The following VWC2L variants were observed in gnomAD, a reference collection of about 807,000 sequenced individuals.
The protein encoded by VWC2L is von Willebrand factor C domain containing 2 like.
A neutral mutation model predicts 21.6 loss-of-function variants in VWC2L; 10 were observed. That is an observed-to-expected ratio of 0.46 (90% CI 0.29 to 0.78). VWC2L has a LOEUF of 0.78. Among genes scored for constraint, VWC2L ranks in the 30% least tolerant of loss-of-function variants. The pLI, the probability that VWC2L is intolerant of heterozygous loss-of-function variation, is 0.10. For synonymous variants in VWC2L, 96 were observed against 94.3 expected, an observed-to-expected ratio of 1.02 and a Z score of -0.10; for missense variants, 209 against 277.1, an observed-to-expected ratio of 0.75 and a Z score of 1.74.
intron 3 of VWC2L, among the ~76,000 whole-genome samples, chr2:214,526,111 T>C (rs750631533): frequency 3.8e-4 from 57 of 150,782 alleles, no homozygotes; most frequent in African/African-American, 7.7e-4. Context: ...TCATCTATTA[T>C]ATATAATCAC....
chr2:214,436,583 CATTAAGTT>C, intron 2 of VWC2L, 38 bp from the exon 3 acceptor site: 1 of 1,604,404 alleles, frequency 6.2e-7, no homozygotes, highest in Middle Eastern at 1.7e-4. Context: ...AATGTGCAAG[CATTAAGTT>C]ATAGGAGAAA....
At chr2:214,436,897 T>C in intron 3 of VWC2L, 139 bp downstream of exon 3, 2 of 1,014,794 alleles carry the variant, frequency 2.0e-6, no homozygotes, top group Non-Finnish European at 1.4e-6. Context: ...TGTATATTTT[T>C]ATCCCATCTT....
intron 2 of VWC2L, among the ~76,000 whole-genome samples, chr2:214,432,407 G>C (rs1702613717): frequency 6.6e-6 from 1 of 152,104 alleles, no homozygotes; most frequent in Non-Finnish European, 1.5e-5. Flanking sequence ...GAAGATGAAG[G>C]GGCTGGAAGG....
chr2:214,529,635 C>T (rs1239050052), intron 3 of VWC2L, among the ~76,000 whole-genome samples: 1 of 152,120 alleles, frequency 6.6e-6, no homozygotes, highest in African/African-American at 2.4e-5. Context: ...ATTCCCAGGT[C>T]CAGGTTTTGT....
chr2:214,517,113 T>A (rs577054735), intron 3 of VWC2L, among the ~76,000 whole-genome samples: 3 of 152,348 alleles, frequency 2.0e-5, no homozygotes, highest in Non-Finnish European at 4.4e-5. Context: ...ATCAGTGACC[T>A]CCATGTTTCT....
At chr2:214,560,708 G>C (rs1005127978) in intron 3 of VWC2L, among the ~76,000 whole-genome samples, 11 of 152,074 alleles carry the variant, frequency 7.2e-5, no homozygotes, top group African/African-American at 2.7e-4. Context: ...GTGATAACTG[G>C]CTTGTTTTTC....
chr2:214,442,617 G>T (rs545482247), intron 3 of VWC2L, among the ~76,000 whole-genome samples: 5 of 151,678 alleles, frequency 3.3e-5, no homozygotes, highest in Admixed American at 1.3e-4. Context: ...TATTTCACAG[G>T]ACTCTTTATT....
chr2:214,508,180 G>C (rs1049439900), intron 3 of VWC2L, among the ~76,000 whole-genome samples: 6 of 152,040 alleles, frequency 3.9e-5, no homozygotes, highest in African/African-American at 1.4e-4. Flanking sequence ...GTTTTACCGT[G>C]TTAGCCAGGA....
intron 2 of VWC2L, among the ~76,000 whole-genome samples, chr2:214,422,724 T>C (rs1375858086): frequency 1.3e-5 from 2 of 152,234 alleles, no homozygotes; most frequent in African/African-American, 2.4e-5. Context: ...TAGCCTGCTG[T>C]AGAGTATATC....
chr2:214,572,999 T>A (rs189617599), intron 3 of VWC2L, among the ~76,000 whole-genome samples: 36 of 152,276 alleles, frequency 2.4e-4, no homozygotes, highest in African/African-American at 7.7e-4. Flanking sequence ...AAATTCTAAA[T>A]GACTCTTAAG....
chr2:214,487,195 A>G (rs1429277415), intron 3 of VWC2L, among the ~76,000 whole-genome samples: 1 of 151,840 alleles, frequency 6.6e-6, no homozygotes, highest in Admixed American at 6.5e-5. Context: ...TTGTTAGAAA[A>G]TAAGTTTCTG....
At chr2:214,484,225 A>C (rs191149116) in intron 3 of VWC2L, among the ~76,000 whole-genome samples, 42 of 152,290 alleles carry the variant, frequency 2.8e-4, no homozygotes, top group African/African-American at 1.0e-3. Context: ...CTCATTTCCA[A>C]GTAAGGTCAC....
chr2:214,459,420 T>G (rs185589638), intron 3 of VWC2L, among the ~76,000 whole-genome samples: 1 of 152,344 alleles, frequency 6.6e-6, no homozygotes, highest in African/African-American at 2.4e-5. Context: ...ATTATTTATT[T>G]TGTTAATTAT....
chr2:214,550,393 A>T (rs1032248024), intron 3 of VWC2L, among the ~76,000 whole-genome samples: 6 of 152,150 alleles, frequency 3.9e-5, no homozygotes, highest in African/African-American at 1.4e-4. Flanking sequence ...CTCAATATTC[A>T]TTTATTATTT....
chr2:214,512,362 A>G (rs560155015), intron 3 of VWC2L, among the ~76,000 whole-genome samples: 5 of 152,128 alleles, frequency 3.3e-5, no homozygotes, highest in South Asian at 2.1e-4. Context: ...ATGAGAATAC[A>G]TGGACATATA....
intron 3 of VWC2L, among the ~76,000 whole-genome samples, chr2:214,486,284 T>A (rs750913439): frequency 5.3e-5 from 8 of 152,094 alleles, no homozygotes; most frequent in Non-Finnish European, 1.2e-4. Flanking sequence ...AAAGCAGGAG[T>A]TAGAGCTTGC....
At chr2:214,448,341 A>C (rs1011068003) in intron 3 of VWC2L, among the ~76,000 whole-genome samples, 16 of 152,188 alleles carry the variant, frequency 1.1e-4, no homozygotes, top group Admixed American at 9.2e-4. Flanking sequence ...TGATTCTTTG[A>C]GTTATTTTAA....
chr2:214,537,610 C>T (rs1224881227), intron 3 of VWC2L, among the ~76,000 whole-genome samples: 1 of 151,874 alleles, frequency 6.6e-6, no homozygotes, highest in Non-Finnish European at 1.5e-5. Context: ...TAAAGTTAGA[C>T]AGGATAAATA....
Position 214,499,101 on chromosome 2 carries a change from C to T in VWC2L, c.520+62343C>T, listed in dbSNP as rs539505551. ...TGGCCCAATCTCAGCTCACTGCAAC[C>T]TCTGCCTCCCAGGTTCAAGCAATTC... On this transcript the variant is annotated intron_variant, in intron 3 of 3. Transcript: ENST00000312504. 5.4e-5 allele frequency among the ~76,000 whole-genome samples: 8 copies of T among 147,848 alleles called. No homozygotes were observed. In the East Asian group the frequency reaches 1.0e-3, roughly 19 times the overall value.
Sources: gnomAD v4.1 joint callset for allele counts (sites outside exome capture counted in the v4.1 genomes callset) on GRCh38, gnomAD v4.1.1 for gene constraint, MANE v1.5 for transcripts, NCBI Gene and HGNC (gene_info 2026-07-23, HGNC 2026-07-21) for gene names.